Variants in CACNG3 observed in about 807,000 individuals in gnomAD.
CACNG3 encodes the protein calcium voltage-gated channel auxiliary subunit gamma 3.
Under a neutral mutation model 28.5 loss-of-function variants are expected in CACNG3, and 3 were observed. The ratio of observed to expected loss-of-function variants is 0.11; its 90% CI spans 0.05 to 0.27. The LOEUF (loss-of-function observed/expected upper bound fraction) is 0.27. Ranked by LOEUF, CACNG3 falls within the 10% of genes least tolerant of loss-of-function variation. The pLI is 1.00. For missense variants in CACNG3, 236 were observed against 414.4 expected (o/e 0.57, Z 3.74); for synonymous variants, 174 against 162.2 (o/e 1.07, Z -0.55).
chr16:24,318,681 T>C (rs1344933032), intron 1 of CACNG3, among the ~76,000 whole-genome samples: 1 of 152,118 alleles, frequency 6.6e-6, no homozygotes, highest in Non-Finnish European at 1.5e-5. Flanking sequence ...ACAGGACACC[T>C]CCTGTTGCAG....
At chr16:24,354,030 A>G (rs1686556892) in intron 2 of CACNG3, among the ~76,000 whole-genome samples, 1 of 152,024 alleles carries the variant, frequency 6.6e-6, no homozygotes, top group African/African-American at 2.4e-5. Flanking sequence ...CCATCTCTAC[A>G]AAAAATACAA....
chr16:24,285,913 A>G (rs1298522062), intron 1 of CACNG3, among the ~76,000 whole-genome samples: 1 of 143,028 alleles, frequency 7.0e-6, no homozygotes, highest in African/African-American at 2.6e-5. Context: ...GCGCGATCTC[A>G]GCTCACTGCC....
intron 1 of CACNG3, among the ~76,000 whole-genome samples, chr16:24,280,050 A>T (rs941314881): frequency 1.3e-5 from 2 of 152,184 alleles, no homozygotes; most frequent in African/African-American, 4.8e-5. Context: ...ACTAATTCTA[A>T]CAGAGGCAAC....
chr16:24,314,620 T>C (rs1899321476), intron 1 of CACNG3, among the ~76,000 whole-genome samples: 1 of 152,204 alleles, frequency 6.6e-6, no homozygotes, highest in Middle Eastern at 3.2e-3. Flanking sequence ...TCTGCATGTG[T>C]GGGTTGCCAC....
intron 1 of CACNG3, among the ~76,000 whole-genome samples, chr16:24,318,438 C>T (rs997820268): frequency 6.6e-6 from 1 of 152,182 alleles, no homozygotes; most frequent in Non-Finnish European, 1.5e-5. Context: ...GTGATTCTCC[C>T]ACCTTGGCCT....
At chr16:24,266,264 C>T (rs887664184) in intron 1 of CACNG3, among the ~76,000 whole-genome samples, 6 of 152,290 alleles carry the variant, frequency 3.9e-5, no homozygotes, top group African/African-American at 7.2e-5. Context: ...CACGGTTACT[C>T]GGTGGGTGAC....
At chr16:24,346,353 G>T (rs868664668) in intron 1 of CACNG3, among the ~76,000 whole-genome samples, 2 of 152,078 alleles carry the variant, frequency 1.3e-5, no homozygotes, top group Non-Finnish European at 2.9e-5. Context: ...AGGGAGGATC[G>T]CTTGTGGCCA....
In CACNG3 at chr16:24,272,360, C is replaced by T. The variant is rs114546033; in HGVS notation, c.211+15395C>T. On this transcript the variant is annotated intron_variant, in intron 1 of 3. Coordinates refer to ENST00000005284, the MANE Select transcript of CACNG3 (RefSeq NM_006539.4). Reference sequence around the variant, plus strand: ...CAGCTACTTCTGGTTTGGTAAATAGCCAATAAATCTCTCTCTTTTTTTTTT... The same window carrying T: ...CAGCTACTTCTGGTTTGGTAAATAGTCAATAAATCTCTCTCTTTTTTTTTT... 6.2e-3 allele frequency among the ~76,000 whole-genome samples: 940 copies of T among 152,042 alleles called. 9 individuals are homozygous for T. Among genetic ancestry groups the T allele is most frequent in the African/African-American group, 0.022 (901 of 41,490 alleles).
chr16:24,331,467 C>A (rs1195531583), intron 1 of CACNG3, among the ~76,000 whole-genome samples: 4 of 152,228 alleles, frequency 2.6e-5, no homozygotes. Flanking sequence ...GTTCCACCCC[C>A]ATCACCAGTG....
At chr16:24,313,707 G>T (rs187600992) in intron 1 of CACNG3, among the ~76,000 whole-genome samples, 42 of 152,114 alleles carry the variant, frequency 2.8e-4, no homozygotes, top group African/African-American at 6.0e-4. Context: ...TGGTGCTCCT[G>T]CCTCAGCCTC....
chr16:24,329,305 G>A (rs970254263), intron 1 of CACNG3, among the ~76,000 whole-genome samples: 5 of 152,142 alleles, frequency 3.3e-5, no homozygotes, highest in African/African-American at 4.8e-5. Context: ...GTCAGGGCCC[G>A]GGATGGATTT....
chr16:24,260,487 T>G (rs1207319734), intron 1 of CACNG3, among the ~76,000 whole-genome samples: 1 of 152,222 alleles, frequency 6.6e-6, no homozygotes, highest in East Asian at 1.9e-4. Flanking sequence ...GGGATTTACA[T>G]AACTTGCCCA....
intron 1 of CACNG3, among the ~76,000 whole-genome samples, chr16:24,313,041 AAG>A (rs914020441): frequency 7.1e-6 from 1 of 141,780 alleles, no homozygotes; most frequent in African/African-American, 2.7e-5. Flanking sequence ...AAAGAAGAGA[AAG>A]AGAGGGAGAG....
rs1392748183 is a variant in CACNG3, at chr16:24,339,394, T to G, written c.212-7340T>G. 2.0e-5 allele frequency among the ~76,000 whole-genome samples: 3 copies of G among 151,978 alleles called. No individual in the cohort carries two copies. The East Asian group carries it at 5.8e-4, about 29-fold the overall frequency. Reference sequence around the variant, plus strand: ...GCCTTCAGCTGCTTCTTCCTTTTTTTTTTTTTTCTGAGCTGGGGTCTTGCT... The same window carrying G: ...GCCTTCAGCTGCTTCTTCCTTTTTTGTTTTTTTCTGAGCTGGGGTCTTGCT... On this transcript the variant is annotated intron_variant, in intron 1 of 3. Coordinates refer to ENST00000005284, the MANE Select transcript of CACNG3 (RefSeq NM_006539.4).
At chr16:24,346,840 T>C in intron 2 of CACNG3, 23 bp downstream of exon 2, 2 of 1,597,540 alleles carry the variant, frequency 1.3e-6, no homozygotes, top group African/African-American at 1.3e-5. Context: ...GCTTCTCGGG[T>C]CTCTCTGGGA....
intron 1 of CACNG3, among the ~76,000 whole-genome samples, chr16:24,324,507 C>T (rs1414774251): frequency 2.0e-5 from 3 of 152,128 alleles, no homozygotes; most frequent in Admixed American, 6.6e-5. Flanking sequence ...AAAATATCAT[C>T]GTAGCCAAAG....
intron 1 of CACNG3, among the ~76,000 whole-genome samples, chr16:24,298,585 C>A (rs1039713109): frequency 6.6e-6 from 1 of 152,216 alleles, no homozygotes; most frequent in Admixed American, 6.5e-5. Flanking sequence ...GTTCCCCCAT[C>A]GTTAAGATGT....
At chr16:24,267,559 ATTACAGG>A (rs1898630141) in intron 1 of CACNG3, among the ~76,000 whole-genome samples, 1 of 152,190 alleles carries the variant, frequency 6.6e-6, no homozygotes, top group South Asian at 2.1e-4. Flanking sequence ...AAGTTCTGTG[ATTACAGG>A]TTTAAACCAC....
At chr16:24,309,865 G>A (rs1295369013) in intron 1 of CACNG3, among the ~76,000 whole-genome samples, 2 of 152,114 alleles carry the variant, frequency 1.3e-5, no homozygotes, top group Non-Finnish European at 2.9e-5. Context: ...CAAGGGGGTC[G>A]GGATGAGGGC....
Sources: allele counts gnomAD v4.1 joint callset (sites outside exome capture counted in the v4.1 genomes callset), GRCh38; gene constraint gnomAD v4.1.1; transcripts MANE v1.5; gene names NCBI Gene and HGNC (gene_info 2026-07-23, HGNC 2026-07-21).